Variants in KIDINS220 observed in about 807,000 individuals in gnomAD.
KIDINS220 encodes kinase D interacting substrate 220.
A neutral mutation model predicts 157.6 loss-of-function variants in KIDINS220; 63 were observed. That is an observed-to-expected ratio of 0.40 (90% CI 0.33 to 0.49). The LOEUF (loss-of-function observed/expected upper bound fraction) is 0.49, where lower values mean the gene tolerates loss of function less well. Ranked by LOEUF, KIDINS220 falls within the 20% of genes least tolerant of loss-of-function variation. KIDINS220 has a pLI of 0.66. For missense variants in KIDINS220, 1,772 were observed against 2,171.2 expected, an observed-to-expected ratio of 0.82 and a Z score of 3.65; for synonymous variants, 732 against 783.6, an observed-to-expected ratio of 0.93 and a Z score of 1.10.
Position 8,789,885 on chromosome 2 carries a change from A to AAT in KIDINS220, c.1614_1615dup (p.Phe539TyrfsTer40). ...GATAAAAAGCAAAGACTTACTAAAG[A>AAT]ATATATATAAGAGAGCCAAGAAGCT... On this transcript the variant is annotated frameshift_variant, in exon 14 of 30. Coordinates refer to ENST00000256707, the MANE Select transcript of KIDINS220 (RefSeq NM_020738.4). LOFTEE classifies it high-confidence loss of function. 2 of 1,588,032 alleles carry AAT rather than the reference A, an allele frequency of 1.3e-6. No individual in the cohort carries two copies. Among genetic ancestry groups the AAT allele is most frequent in the Non-Finnish European group, 1.7e-6 (2 of 1,172,206 alleles).
At chr2:8,828,437 GTTCACT>G (rs1294509951) in intron 1 of KIDINS220, among the ~76,000 whole-genome samples, 2 of 152,140 alleles carry the variant, frequency 1.3e-5, no homozygotes, top group Non-Finnish European at 2.9e-5. Context: ...ATGACATATT[GTTCACT>G]TATTGTCTGT....
chr2:8,830,187 C>A lies in KIDINS220; in HGVS notation c.-36-3058G>T, dbSNP rs561097048. ...CCTTCACCATCTATACTAATCAAGACCCCTAAGGTTGCAAGAGACTAATTT... is the reference window on the plus strand; with the variant it reads ...CCTTCACCATCTATACTAATCAAGAACCCTAAGGTTGCAAGAGACTAATTT... On this transcript the variant is annotated intron_variant, in intron 1 of 29. Transcript: ENST00000256707. Among the ~76,000 whole-genome samples the A allele has an allele frequency of 5.3e-5, 8 of 152,270 alleles. 1 individual carries two copies. The highest frequency in any genetic ancestry group is 1.9e-4 in the African/African-American group (8 of 41,544).
chr2:8,788,934 A>G (rs1348996321), intron 14 of KIDINS220, 122 bp from the exon 15 acceptor site: 6 of 765,862 alleles, frequency 7.8e-6, no homozygotes, highest in African/African-American at 5.3e-5. Context: ...GTCCCATACT[A>G]TTTCCTAACT....
rs114900221 is a variant in KIDINS220, at chr2:8,814,893, T to G, written c.307-1558A>C. Among the ~76,000 whole-genome samples, 1,112 of 152,122 alleles carry G rather than the reference T, an allele frequency of 7.3e-3. 20 individuals are homozygous for G. Among genetic ancestry groups the G allele is most frequent in the African/African-American group, 0.025 (1,056 of 41,488 alleles). On this transcript the variant is annotated intron_variant, in intron 4 of 29. Coordinates refer to ENST00000256707, the MANE Select transcript of KIDINS220 (RefSeq NM_020738.4). Reference sequence around the variant, plus strand: ...GGGACATCCTTCCCTCTAAAGCACATCTGCAACTGAACACGAGAAACATCC... The same window carrying G: ...GGGACATCCTTCCCTCTAAAGCACAGCTGCAACTGAACACGAGAAACATCC...
chr2:8,743,814 C>A (rs1476085420), intron 26 of KIDINS220, among the ~76,000 whole-genome samples: 1 of 152,182 alleles, frequency 6.6e-6, no homozygotes, highest in East Asian at 1.9e-4. Flanking sequence ...GTTTTACAAA[C>A]TGGAGTTTTG....
downstream of KIDINS220, chr2:8,723,589 G>A (rs542849022): frequency 1.3e-5 from 2 of 152,316 alleles, no homozygotes; most frequent in African/African-American, 4.8e-5. Context: ...TCTAGCTCAA[G>A]CTTAATCAGA....
chr2:8,727,873 C>T (rs143678329), downstream of KIDINS220, among the ~76,000 whole-genome samples: 18 of 152,276 alleles, frequency 1.2e-4, no homozygotes, highest in Non-Finnish European at 2.2e-4. Context: ...CCCAGCACTG[C>T]GGAAGTTATT....
At chr2:8,727,319 G>A (rs1313582142), downstream of KIDINS220, 1 of 979,936 alleles carries the variant, frequency 1.0e-6, no homozygotes, top group Admixed American at 5.2e-5. Flanking sequence ...CTGGAGTGCT[G>A]GCCAAAGAAG....
intron 17 of KIDINS220, among the ~76,000 whole-genome samples, chr2:8,780,363 T>C (rs963963238): frequency 6.6e-6 from 1 of 152,212 alleles, no homozygotes; most frequent in African/African-American, 2.4e-5. Context: ...GCTACTGTTA[T>C]GATGTTTCTC....
At position 8,818,912 on chromosome 2, in the gene KIDINS220, A is replaced by G. The variant is rs996415318; in HGVS notation, c.109-119T>C. On this transcript the variant is annotated intron_variant, in intron 2 of 29. Coordinates refer to ENST00000256707, the MANE Select transcript of KIDINS220 (RefSeq NM_020738.4). ...TGTTAAGCATTGTTTAGTTGTGTTT[A>G]CTATATTTAATTTAGAAACAGCTTT... 1.5e-5 allele frequency: 7 copies of G among 462,196 alleles called. No homozygotes were observed. In the Admixed American group the frequency reaches 2.8e-4, roughly 19 times the overall value. The allele number at this position is 462,196 out of a possible 1,614,324, so 28.6% of individuals were successfully genotyped here.
rs746766997 is a variant in KIDINS220, at chr2:8,747,899, C to T, written c.3516G>A (p.Gln1172=). 1 of 1,598,754 alleles carries T rather than the reference C, an allele frequency of 6.3e-7. No homozygotes were observed. Among genetic ancestry groups the T allele is most frequent in the Non-Finnish European group, 8.5e-7 (1 of 1,171,966 alleles). The change falls in exon 25 of 30, where the codon CAG becomes CAA. Residue 1172 remains glutamine, a synonymous_variant. Coordinates refer to ENST00000256707, the MANE Select transcript of KIDINS220 (RefSeq NM_020738.4). Reference sequence around the variant, plus strand: ...TTTATATACTTACTAGGCCATTGTTCTGATCTCTGGGCAAACTCGTTTTTA... The same window carrying T: ...TTTATATACTTACTAGGCCATTGTTTTGATCTCTGGGCAAACTCGTTTTTA... ...PSVKTSLPRD[Q]NNGLEVIKED...
chr2:8,832,516 C>A (rs966257026), intron 1 of KIDINS220, among the ~76,000 whole-genome samples: 2 of 152,122 alleles, frequency 1.3e-5, no homozygotes, highest in Non-Finnish European at 2.9e-5. Flanking sequence ...ATGTATCTAT[C>A]CAGTGTGTAC....
intron 12 of KIDINS220, 107 bp downstream of exon 12, chr2:8,793,703 T>C: frequency 9.7e-7 from 1 of 1,031,192 alleles, no homozygotes; most frequent in Non-Finnish European, 1.4e-6. Flanking sequence ...CCTCCTCAAG[T>C]GCTGGGATTA....
chr2:8,827,582 T>C (rs538824352), intron 1 of KIDINS220, among the ~76,000 whole-genome samples: 9 of 152,318 alleles, frequency 5.9e-5, no homozygotes, highest in African/African-American at 2.2e-4. Context: ...CACCACTTCA[T>C]CACTGCCACC....
intron 26 of KIDINS220, among the ~76,000 whole-genome samples, chr2:8,740,467 T>C (rs913698849): frequency 2.6e-5 from 4 of 152,200 alleles, no homozygotes; most frequent in Middle Eastern, 3.2e-3. Context: ...TCATGAGCCA[T>C]ACATTTAATA....
At chr2:8,780,907 G>A (rs768518277) in intron 17 of KIDINS220, among the ~76,000 whole-genome samples, 4 of 151,590 alleles carry the variant, frequency 2.6e-5, no homozygotes, top group Admixed American at 6.6e-5. Flanking sequence ...ATAGAAAACA[G>A]TAACAAATAC....
At position 8,789,839 on chromosome 2, in the gene KIDINS220, G is replaced by A. The variant is rs184097278; in HGVS notation, c.1621+41C>T. On this transcript the variant is annotated intron_variant, in intron 14 of 29. Coordinates refer to ENST00000256707, the MANE Select transcript of KIDINS220 (RefSeq NM_020738.4). ...TTTTTCTTTATCTATGAATCTTAAC[G>A]TTTTCTCCATTTTTGAAAAAGATAA... is the stretch of plus-strand genomic sequence containing the variant. The A allele has an allele frequency of 3.4e-3, 4,777 of 1,417,708 alleles. 13 individuals are homozygous for A. Among genetic ancestry groups the A allele is most frequent in the Non-Finnish European group, 4.3e-3 (4,424 of 1,037,514 alleles). The allele number at this position is 1,417,708 out of a possible 1,614,324, so 87.8% of individuals were successfully genotyped here.
At chr2:8,828,464 T>C (rs1050434770) in intron 1 of KIDINS220, among the ~76,000 whole-genome samples, 1 of 152,204 alleles carries the variant, frequency 6.6e-6, no homozygotes, top group East Asian at 1.9e-4. Context: ...CTACCATAAC[T>C]ATAAGTTCTA....
chr2:8,779,574 A>T lies in KIDINS220; in HGVS notation c.2370+100T>A, dbSNP rs533575915. On this transcript the variant is annotated intron_variant, in intron 18 of 29. Transcript: ENST00000256707. ...ATCACAAAATAGGAACTACTCAAACAAAAACCAATTCCGTTCTATTTTTAG... is the reference window on the plus strand; with the variant it reads ...ATCACAAAATAGGAACTACTCAAACTAAAACCAATTCCGTTCTATTTTTAG... 1.0e-5 allele frequency: 14 copies of T among 1,339,440 alleles called. No homozygotes were observed. In the South Asian group the frequency reaches 1.8e-4, roughly 17 times the overall value. The allele number at this position is 1,339,440 out of a possible 1,614,324, so 83.0% of individuals were successfully genotyped here.
Sources: allele counts gnomAD v4.1 joint callset (sites outside exome capture counted in the v4.1 genomes callset), GRCh38; gene constraint gnomAD v4.1.1; transcripts MANE v1.5; gene names NCBI Gene and HGNC (gene_info 2026-07-23, HGNC 2026-07-21).